Variants in VPS35L observed in about 807,000 individuals in gnomAD.
VPS35L encodes the protein VPS35 endosomal protein sorting factor like.
A neutral mutation model predicts 133.0 loss-of-function variants in VPS35L; 83 were observed. The ratio of observed to expected loss-of-function variants is 0.62; its 90% CI spans 0.52 to 0.75. VPS35L has a LOEUF of 0.75. Among genes scored for constraint, VPS35L ranks in the 30% least tolerant of loss-of-function variants. VPS35L has a pLI of 0.00. For synonymous variants in VPS35L, 423 were observed against 449.9 expected (o/e 0.94, Z 0.76); for missense variants, 1,083 against 1,206.8 (o/e 0.90, Z 1.52).
Position 19,651,972 on chromosome 16 carries a change from C to G in VPS35L, c.2107-4C>G. The stretch of plus-strand genomic sequence containing the variant: ...TAGCGTTAATGTTTCTTCCCTTCTC[C>G]TAGGCCTGTGTTGCCTACTGCTTCA... On this transcript the variant is annotated splice_polypyrimidine_tract_variant and splice_region_variant and intron_variant, in intron 25 of 30. Transcript: ENST00000417362. 1 of 1,586,154 alleles carries G rather than the reference C, an allele frequency of 6.3e-7. No individual in the cohort carries two copies. The highest frequency in any genetic ancestry group is 8.7e-7 in the Non-Finnish European group (1 of 1,155,254).
At chr16:19,585,835 T>C (rs1452520564) in intron 7 of VPS35L, among the ~76,000 whole-genome samples, 1 of 152,202 alleles carries the variant, frequency 6.6e-6, no homozygotes, top group Non-Finnish European at 1.5e-5. Context: ...TTTGTATATC[T>C]ATAGTGAAAT....
chr16:19,623,026 C>T (rs1241475876), intron 14 of VPS35L, among the ~76,000 whole-genome samples: 2 of 152,076 alleles, frequency 1.3e-5, no homozygotes, highest in African/African-American at 2.4e-5. Context: ...CGTCCAGAGC[C>T]GACAGCATCC....
intron 8 of VPS35L, among the ~76,000 whole-genome samples, chr16:19,599,130 G>T (rs1597345369): frequency 6.6e-6 from 1 of 152,330 alleles, no homozygotes; most frequent in East Asian, 1.9e-4. Context: ...ACTGGGGCTT[G>T]TTCTCTAAGG....
chr16:19,687,671 C>T (rs1191433427), intron 28 of VPS35L, among the ~76,000 whole-genome samples: 1 of 152,008 alleles, frequency 6.6e-6, no homozygotes, highest in Non-Finnish European at 1.5e-5. Flanking sequence ...AGTTGTTCTC[C>T]TTATTCTTAG....
At chr16:19,616,226 A>T (rs759211270) in intron 13 of VPS35L, 35 bp downstream of exon 13, 9 of 1,546,918 alleles carry the variant, frequency 5.8e-6, no homozygotes, top group Non-Finnish European at 8.0e-6. Context: ...TCATCGATAT[A>T]ACAGTTCTAT....
intron 26 of VPS35L, among the ~76,000 whole-genome samples, chr16:19,666,039 T>C (rs1356293024): frequency 1.3e-5 from 2 of 152,198 alleles, no homozygotes; most frequent in Non-Finnish European, 2.9e-5. Flanking sequence ...AGATTTTTTT[T>C]CCTATAGAGT....
intron 14 of VPS35L, among the ~76,000 whole-genome samples, chr16:19,624,684 G>A (rs1337245623): frequency 2.6e-5 from 4 of 151,966 alleles, no homozygotes; most frequent in African/African-American, 7.3e-5. Context: ...GGGCTCAAGC[G>A]AGCTTCCCAC....
intron 2 of VPS35L, among the ~76,000 whole-genome samples, chr16:19,566,967 G>C (rs1971209954): frequency 6.6e-6 from 1 of 152,078 alleles, no homozygotes; most frequent in Non-Finnish European, 1.5e-5. Flanking sequence ...GGCCAGGCTG[G>C]TCTCAAACTC....
chr16:19,700,983 C>T lies in VPS35L; in HGVS notation c.*507C>T, dbSNP rs1976114131. 2 of 153,090 alleles carry T rather than the reference C, an allele frequency of 1.3e-5. No individual in the cohort carries two copies. The highest frequency in any genetic ancestry group is 4.8e-5 in the African/African-American group (2 of 41,446). The allele number at this position is 153,090 out of a possible 1,614,324, so 9.5% of individuals were successfully genotyped here. ...ATTTATAAAAGGCAGAAATAGCACT[C>T]CATTAACTCTTTTTCCTATCAAAAG... On this transcript the variant is annotated 3_prime_UTR_variant, in exon 31 of 31. Coordinates refer to ENST00000417362, the MANE Select transcript of VPS35L (RefSeq NM_020314.7).
intron 21 of VPS35L, among the ~76,000 whole-genome samples, chr16:19,641,886 T>C (rs534872186): frequency 2.3e-4 from 35 of 152,276 alleles, no homozygotes; most frequent in African/African-American, 8.4e-4. Flanking sequence ...GGAGAAGTTA[T>C]CATGTGTATA....
At chr16:19,684,931 G>A (rs1001133251) in intron 28 of VPS35L, among the ~76,000 whole-genome samples, 9 of 151,856 alleles carry the variant, frequency 5.9e-5, no homozygotes, top group Admixed American at 2.0e-4. Flanking sequence ...GTTGGCAAGC[G>A]CCTATAATCC....
intron 23 of VPS35L, among the ~76,000 whole-genome samples, chr16:19,647,434 C>T (rs1313075727): frequency 6.6e-6 from 1 of 152,104 alleles, no homozygotes; most frequent in Admixed American, 6.6e-5. Context: ...CTTCTGTAGC[C>T]ACCAGTGAGC....
intron 17 of VPS35L, among the ~76,000 whole-genome samples, chr16:19,629,494 TA>T (rs75469507): frequency 0.043 from 6,509 of 151,942 alleles, 571 homozygotes; most frequent in East Asian, 0.31. Context: ...AAATACAACT[TA>T]AAAAAAATGC....
chr16:19,555,782 GC>G, intron 1 of VPS35L, 36 bp downstream of exon 1: 1 of 1,551,014 alleles, frequency 6.4e-7, no homozygotes, highest in Non-Finnish European at 8.7e-7. Context: ...TTGGAGAGGG[GC>G]TGTCCTTACT....
At chr16:19,624,516 C>T (rs916324558) in intron 14 of VPS35L, among the ~76,000 whole-genome samples, 6 of 151,942 alleles carry the variant, frequency 3.9e-5, no homozygotes, top group South Asian at 2.1e-4. Flanking sequence ...ACCCAAGAGG[C>T]GGAGGTTCTG....
chr16:19,622,188 A>G (rs1973107905), intron 14 of VPS35L, among the ~76,000 whole-genome samples: 1 of 132,776 alleles, frequency 7.5e-6, no homozygotes, highest in East Asian at 2.4e-4. Flanking sequence ...TCTGTCACCC[A>G]GGCTGGAGTG....
intron 26 of VPS35L, among the ~76,000 whole-genome samples, chr16:19,663,430 A>G (rs112342242): frequency 0.028 from 4,323 of 152,190 alleles, 201 homozygotes; most frequent in African/African-American, 0.098. Flanking sequence ...TGACCTTTCT[A>G]TGCATCTACA....
chr16:19,677,908 A>G (rs1975120803), intron 27 of VPS35L, among the ~76,000 whole-genome samples: 2 of 152,182 alleles, frequency 1.3e-5, no homozygotes, highest in Admixed American at 1.3e-4. Context: ...TGGACCAGCC[A>G]ACATTTCACA....
Position 19,682,287 on chromosome 16 carries a change from C to T in VPS35L, c.2424C>T (p.Tyr808=), listed in dbSNP as rs575055287. ...VRELLNVIQD[Y]TWEDNSDEKI... Reference sequence around the variant, plus strand: ...AGCTTCTCAACGTGATCCAGGACTACACCTGGGAGGACAACAGCGATGAGA... The same window carrying T: ...AGCTTCTCAACGTGATCCAGGACTATACCTGGGAGGACAACAGCGATGAGA... Residue 808 remains tyrosine (Y), a synonymous_variant, in exon 28 of 31, where the codon TAC becomes TAT. Transcript: ENST00000417362. 1.9e-6 allele frequency: 3 copies of T among 1,614,074 alleles called. No individual in the cohort carries two copies. The highest frequency in any genetic ancestry group is 2.2e-5 in the South Asian group (2 of 91,080).
Sources: gnomAD v4.1 joint callset for allele counts (sites outside exome capture counted in the v4.1 genomes callset) on GRCh38, gnomAD v4.1.1 for gene constraint, MANE v1.5 for transcripts, NCBI Gene and HGNC (gene_info 2026-07-23, HGNC 2026-07-21) for gene names.